The following CTNNA2 variants were observed in gnomAD, a reference collection of about 807,000 sequenced individuals.
CTNNA2 encodes the protein catenin alpha 2.
CTNNA2 carries 42 observed loss-of-function variants against 101.0 expected under a neutral mutation model. The observed-to-expected ratio is 0.42, with a 90% CI of 0.32 to 0.54. The LOEUF (loss-of-function observed/expected upper bound fraction) is 0.54. Among genes scored for constraint, CTNNA2 ranks in the 20% least tolerant of loss-of-function variants. The pLI, the probability that CTNNA2 is intolerant of heterozygous loss-of-function variation, is 0.14. For synonymous variants in CTNNA2, 450 were observed against 456.4 expected, an observed-to-expected ratio of 0.99 and a Z score of 0.18; for missense variants, 871 against 1,223.1, an observed-to-expected ratio of 0.71 and a Z score of 4.29.
chr2:79,635,599 G>A (rs1000454828), intron 1 of CTNNA2, among the ~76,000 whole-genome samples: 1 of 150,512 alleles, frequency 6.6e-6, no homozygotes, highest in Non-Finnish European at 1.5e-5. Flanking sequence ...TGCCTCCCAG[G>A]CTCAAGCAAT....
intron 7 of CTNNA2, among the ~76,000 whole-genome samples, chr2:79,988,466 A>ATGTTTG (rs1691923826): frequency 6.7e-6 from 1 of 149,026 alleles, no homozygotes; most frequent in East Asian, 2.0e-4. Flanking sequence ...GTGTATGTGT[A>ATGTTTG]TGTGTGTGTG....
intron 6 of CTNNA2, among the ~76,000 whole-genome samples, chr2:79,874,828 A>G (rs1431160636): frequency 6.6e-6 from 1 of 152,240 alleles, no homozygotes; most frequent in East Asian, 1.9e-4. Context: ...AGAAGAAACA[A>G]CTGTATTTAA....
chr2:80,368,258 T>C (rs1358804193), intron 7 of CTNNA2, among the ~76,000 whole-genome samples: 2 of 152,168 alleles, frequency 1.3e-5, no homozygotes, highest in African/African-American at 4.8e-5. Flanking sequence ...ACCCAAGTTA[T>C]GGGTTGCACT....
At chr2:79,536,154 T>C (rs1673042286) in intron 1 of CTNNA2, among the ~76,000 whole-genome samples, 1 of 152,182 alleles carries the variant, frequency 6.6e-6, no homozygotes, top group African/African-American at 2.4e-5. Flanking sequence ...GTCAGAGATA[T>C]ACAAAGAAAG....
intron 4 of CTNNA2, among the ~76,000 whole-genome samples, chr2:79,409,936 T>G (rs1678389087): frequency 6.6e-6 from 1 of 151,596 alleles, no homozygotes; most frequent in Admixed American, 6.6e-5. Flanking sequence ...CCCATGAGCA[T>G]GGAATGTTCT....
chr2:80,607,824 G>C (rs17019480), intron 16 of CTNNA2, among the ~76,000 whole-genome samples: 1 of 151,696 alleles, frequency 6.6e-6, no homozygotes, highest in Admixed American at 6.6e-5. Context: ...AGCATCCTTT[G>C]GTCCTCTGCA....
At chr2:80,221,221 A>G (rs1156410321) in intron 7 of CTNNA2, among the ~76,000 whole-genome samples, 4 of 152,230 alleles carry the variant, frequency 2.6e-5, no homozygotes, top group African/African-American at 9.6e-5. Context: ...TGCATATAAT[A>G]GGAATCAAGC....
chr2:80,168,418 C>T (rs1048669146), intron 7 of CTNNA2, among the ~76,000 whole-genome samples: 1 of 152,112 alleles, frequency 6.6e-6, no homozygotes, highest in Non-Finnish European at 1.5e-5. Context: ...ATAGAAATCA[C>T]GTATCATTAC....
At chr2:80,096,373 T>A (rs1196199764) in intron 7 of CTNNA2, among the ~76,000 whole-genome samples, 1 of 152,186 alleles carries the variant, frequency 6.6e-6, no homozygotes, top group African/African-American at 2.4e-5. Flanking sequence ...GAGAGAGAGT[T>A]TTTTATAATT....
intron 7 of CTNNA2, among the ~76,000 whole-genome samples, chr2:80,062,047 G>A (rs1479801903): frequency 1.3e-5 from 2 of 152,218 alleles, no homozygotes; most frequent in Non-Finnish European, 2.9e-5. Flanking sequence ...GTTCTGTGCA[G>A]CTTACAAAGG....
intron 3 of CTNNA2, among the ~76,000 whole-genome samples, chr2:79,810,619 T>C (rs1676940507): frequency 1.3e-5 from 2 of 151,924 alleles, no homozygotes; most frequent in Admixed American, 1.3e-4. Flanking sequence ...GTTGGTGTGC[T>C]GCACCCATTA....
At chr2:79,960,051 G>A (rs1689521580) in intron 7 of CTNNA2, among the ~76,000 whole-genome samples, 1 of 152,084 alleles carries the variant, frequency 6.6e-6, no homozygotes, top group African/African-American at 2.4e-5. Flanking sequence ...TATGAGAGAA[G>A]GTGTATTTAT....
intron 6 of CTNNA2, among the ~76,000 whole-genome samples, chr2:79,898,227 G>A (rs1023411299): frequency 2.0e-5 from 3 of 151,822 alleles, no homozygotes; most frequent in Admixed American, 6.6e-5. Flanking sequence ...TCTGCCTCCC[G>A]GGTTCAAGTG....
intron 9 of CTNNA2, among the ~76,000 whole-genome samples, chr2:80,425,634 G>A (rs2149416696): frequency 6.6e-6 from 1 of 152,222 alleles, no homozygotes; most frequent in East Asian, 1.9e-4. Context: ...ATGAATCAGT[G>A]ATGATGGTTT....
intron 9 of CTNNA2, among the ~76,000 whole-genome samples, chr2:80,487,052 G>A (rs1174878686): frequency 6.6e-6 from 1 of 152,076 alleles, no homozygotes; most frequent in African/African-American, 2.4e-5. Context: ...TTGGGAGGTC[G>A]AGGCGGGTGG....
intron 3 of CTNNA2, among the ~76,000 whole-genome samples, chr2:79,770,506 A>G (rs1331773560): frequency 1.3e-5 from 2 of 152,224 alleles, no homozygotes; most frequent in Non-Finnish European, 2.9e-5. Flanking sequence ...AAAGGGTAAC[A>G]CTAAAGATGA....
At chr2:80,249,733 C>A (rs766451106) in intron 7 of CTNNA2, among the ~76,000 whole-genome samples, 1 of 152,236 alleles carries the variant, frequency 6.6e-6, no homozygotes, top group South Asian at 2.1e-4. Context: ...AACATCCTGG[C>A]ATGTTACACA....
rs1252740844 is a variant in CTNNA2 at position 79,738,841 on chromosome 2, T to A, written c.103-5546T>A. Among the ~76,000 whole-genome samples, 5 of 152,218 alleles carry A rather than the reference T, an allele frequency of 3.3e-5. No homozygotes were observed. The East Asian group carries it at 9.6e-4, about 29-fold the overall frequency. On this transcript the variant is annotated intron_variant, in intron 2 of 18. Coordinates refer to ENST00000402739, the MANE Select transcript of CTNNA2 (RefSeq NM_001282597.3). ...ATTTTGAACCTATGCTTTTCTTTTTTAAAAAATTGGCAGTGACTAATGAAA... is the reference window on the plus strand; with the variant it reads ...ATTTTGAACCTATGCTTTTCTTTTTAAAAAAATTGGCAGTGACTAATGAAA...
intron 2 of CTNNA2, among the ~76,000 whole-genome samples, chr2:79,231,623 A>T (rs1446826729): frequency 1.3e-5 from 2 of 152,206 alleles, no homozygotes; most frequent in South Asian, 2.1e-4. Context: ...TAGGAATATC[A>T]TTAAATATAT....
Sources: gnomAD v4.1 joint callset for allele counts (sites outside exome capture counted in the v4.1 genomes callset) on GRCh38, gnomAD v4.1.1 for gene constraint, MANE v1.5 for transcripts, NCBI Gene and HGNC (gene_info 2026-07-23, HGNC 2026-07-21) for gene names.